Variants in ZNF579 observed in about 807,000 individuals in gnomAD.
The protein encoded by ZNF579 is zinc finger protein 579.
Under a neutral mutation model 5.7 loss-of-function variants are expected in ZNF579, and 3 were observed. The ratio of observed to expected loss-of-function variants is 0.53; its 90% CI spans 0.24 to 1.36. The LOEUF is 1.36. ZNF579 is among the 40% of genes most tolerant of loss of function. The pLI is 0.16. For missense variants in ZNF579, 679 were observed against 877.6 expected, an observed-to-expected ratio of 0.77 and a Z score of 2.86; for synonymous variants, 454 against 409.0, an observed-to-expected ratio of 1.11 and a Z score of -1.33.
chr19:55,579,809 G>A (rs1467069522), intron 1 of ZNF579, 168 bp from the exon 2 acceptor site: 2 of 677,718 alleles, frequency 3.0e-6, no homozygotes, highest in African/African-American at 1.9e-5. Flanking sequence ...GACACCGAGG[G>A]GAGGCCAGAG....
In ZNF579 at chr19:55,578,500, C is replaced by A; in HGVS notation, c.1140G>T (p.Gly380=). ...ACTCTGGGCACCAGAAGCGGGGCTCCCCGGCGGGGGGCCGAGCCGGGGCGG... is the reference window on the plus strand; with the variant it reads ...ACTCTGGGCACCAGAAGCGGGGCTCACCGGCGGGGGGCCGAGCCGGGGCGG... ...GDAAPARPPA[G]EPRFWCPECG... Residue 380 remains glycine, a synonymous_variant, in exon 2 of 2, where the codon GGG becomes GGT. Coordinates refer to ENST00000325421, the MANE Select transcript of ZNF579 (RefSeq NM_152600.3). 1 of 1,419,608 alleles carries A rather than the reference C, an allele frequency of 7.0e-7. No homozygotes were observed. Among genetic ancestry groups the A allele is most frequent in the Non-Finnish European group, 9.1e-7 (1 of 1,097,582 alleles). 87.9% of individuals were successfully genotyped at this position (1,419,608 alleles called of 1,614,324 possible).
Position 55,578,089 on chromosome 19 carries a change from T to C in ZNF579, c.1551A>G (p.Pro517=). ...IKEEPPSPGT[P]PQSPPAPPVF... ...CAGGGGGAGCCGGCGGGGACTGGGG[T>C]GGGGTCCCCGGAGAGGGCGGCTCTT... The change falls in exon 2 of 2, where the codon CCA becomes CCG. Residue 517 remains proline (P), a synonymous_variant. Coordinates refer to ENST00000325421, the MANE Select transcript of ZNF579 (RefSeq NM_152600.3). 1 of 1,568,958 alleles carries C rather than the reference T, an allele frequency of 6.4e-7. No homozygotes were observed. The highest frequency in any genetic ancestry group is 1.2e-5 in the South Asian group (1 of 85,622).
rs1979490874 is a variant in ZNF579, at chr19:55,578,625, C to G, written c.1015G>C (p.Ala339Pro). The G allele has an allele frequency of 6.6e-7, 1 of 1,526,216 alleles. No individual in the cohort carries two copies. The highest frequency in any genetic ancestry group is 2.0e-5 in the Admixed American group (1 of 49,118). 94.5% of individuals were successfully genotyped at this position (1,526,216 alleles called of 1,614,324 possible). A position where few individuals can be genotyped will look rare whatever the true frequency, so the allele number is the denominator to read the frequency against. ...TTGGCTGAGTTCCGTGCACCCGAGGCCTTGTCGTCCTTCTTGCCCGCCGCG... is the reference window on the plus strand; with the variant it reads ...TTGGCTGAGTTCCGTGCACCCGAGGGCTTGTCGTCCTTCTTGCCCGCCGCG... ...LPAAGKKDDK[A>P]SGARNSAKGP... Residue 339 changes from alanine to proline, a missense_variant, in exon 2 of 2, where the codon GCC becomes CCC. By Grantham distance (27) the Ala-to-Pro change is conservative. Transcript: ENST00000325421.
At position 55,578,643 on chromosome 19, in the gene ZNF579, C is replaced by T. The variant is rs1979492211; in HGVS notation, c.997G>A (p.Gly333Ser). The change falls in exon 2 of 2, where the codon GGC becomes AGC. Residue 333 changes from glycine to serine, a missense_variant. This residue lies in a region of ZNF579 where 114 missense variants were observed against 98.9 expected (regional missense o/e 1.15). Transcript: ENST00000325421. The stretch of plus-strand genomic sequence containing the variant: ...CCCGAGGCCTTGTCGTCCTTCTTGC[C>T]CGCCGCGGGCAGCGGGGCCAGCAGG... Reference protein sequence around the residue: ...LSLLAPLPAAGKKDDKASGAR... With the variant: ...LSLLAPLPAASKKDDKASGAR... 1 of 1,527,052 alleles carries T rather than the reference C, an allele frequency of 6.5e-7. No homozygotes were observed. Among genetic ancestry groups the T allele is most frequent in the African/African-American group, 1.4e-5 (1 of 69,990 alleles). 94.6% of individuals were successfully genotyped at this position (1,527,052 alleles called of 1,614,324 possible).
Position 55,579,452 on chromosome 19 carries a change from C to G in ZNF579, c.188G>C (p.Arg63Pro), listed in dbSNP as rs1223515863. The change falls in exon 2 of 2, where the codon CGG (arginine) becomes CCG (proline). Residue 63 changes from arginine to proline, a missense_variant. By Grantham distance (103) the Arg-to-Pro change is moderately radical. Transcript: ENST00000325421. ...FRFPYYLSRH[R>P]LSHSGLRPHA... ...GGGCCGGAGCCCCGAGTGGCTCAGCCGGTGCCGGGAGAGGTAGTAGGGGAA... is the reference window on the plus strand; with the variant it reads ...GGGCCGGAGCCCCGAGTGGCTCAGCGGGTGCCGGGAGAGGTAGTAGGGGAA... 1 of 1,338,252 alleles carries G rather than the reference C, an allele frequency of 7.5e-7. No individual in the cohort carries two copies. The highest frequency in any genetic ancestry group is 1.6e-5 in the African/African-American group (1 of 64,150). The allele number at this position is 1,338,252 out of a possible 1,614,324, so 82.9% of individuals were successfully genotyped here.
rs1343352123 is a variant in ZNF579, at chr19:55,577,421, C to G, written c.*530G>C. ...GAGGGCCACATATTTTCTGATGCAT[C>G]TGTGTCCTTCCTGCTCTGAACCCAA... On this transcript the variant is annotated 3_prime_UTR_variant, in exon 2 of 2. Transcript: ENST00000325421. 1.2e-5 allele frequency: 2 copies of G among 160,674 alleles called. No homozygotes were observed. The highest frequency in any genetic ancestry group is 2.8e-5 in the Non-Finnish European group (2 of 72,186). 10.0% of individuals were successfully genotyped at this position (160,674 alleles called of 1,614,324 possible).
In ZNF579 at chr19:55,578,292, AGCGGCGCGG is replaced by A; in HGVS notation, c.1339_1347del (p.Pro447_Arg449del). ...CGCAGGAGGCTGTAGGCGCGCGAGA[AGCGGCGCGG>A]GCAGCGGGGGCACGGGTGCGGGGCT... is the stretch of plus-strand genomic sequence containing the variant. On this transcript the variant is annotated inframe_deletion, in exon 2 of 2. Coordinates refer to ENST00000325421, the MANE Select transcript of ZNF579 (RefSeq NM_152600.3). The A allele has an allele frequency of 7.7e-7, 1 of 1,294,682 alleles. No individual in the cohort carries two copies. The highest frequency in any genetic ancestry group is 9.8e-7 in the Non-Finnish European group (1 of 1,025,254). 80.2% of individuals were successfully genotyped at this position (1,294,682 alleles called of 1,614,324 possible). A position where few individuals can be genotyped will look rare whatever the true frequency, so the allele number is the denominator to read the frequency against.
chr19:55,579,582 G>A lies in ZNF579; in HGVS notation c.58C>T (p.Arg20Trp), dbSNP rs1599971395. ...CGACCACGGCCTCGGCCACGGCCCC[G>A]GCCTCGGCCACGGTGAGGTGGGCTG... ...QGSPPHRGRG[R>W]GRGRGRGRGR... The change falls in exon 2 of 2, where the codon CGG becomes TGG. Residue 20 changes from arginine to tryptophan, a missense_variant. Physicochemically the swap from Arg to Trp is moderately radical, Grantham distance 101. This residue lies in a region of ZNF579 where 134 missense variants were observed against 208.9 expected (regional missense o/e 0.64). Coordinates refer to ENST00000325421, the MANE Select transcript of ZNF579 (RefSeq NM_152600.3). The A allele has an allele frequency of 2.0e-6, 3 of 1,494,152 alleles. No individual in the cohort carries two copies. Among genetic ancestry groups the A allele is most frequent in the East Asian group, 2.8e-5 (1 of 35,242 alleles). 92.6% of individuals were successfully genotyped at this position (1,494,152 alleles called of 1,614,324 possible).
In ZNF579 at chr19:55,578,245, T is replaced by C; in HGVS notation, c.1395A>G (p.Ala465=). The change falls in exon 2 of 2, where the codon GCA becomes GCG. Residue 465 remains alanine (A), a synonymous_variant. Coordinates refer to ENST00000325421, the MANE Select transcript of ZNF579 (RefSeq NM_152600.3). ...GCAGCGCGGCGGCCCTCTCCAGCTC[T>C]GCGCGGTGGCAGCGCTGGTGGCGCA... The part of the protein sequence containing the change: ...SLLRHQRCHR[A]ELERAAALQA... The C allele has an allele frequency of 1.4e-6, 2 of 1,399,462 alleles. No homozygotes were observed. Among genetic ancestry groups the C allele is most frequent in the Non-Finnish European group, 1.8e-6 (2 of 1,085,862 alleles). 86.7% of individuals were successfully genotyped at this position (1,399,462 alleles called of 1,614,324 possible).
Position 55,578,978 on chromosome 19 carries a change from T to C in ZNF579, c.662A>G (p.Gln221Arg), listed in dbSNP as rs968629699. ...CGTCCAGTCTGCCTGGAGCAGGACC[T>C]GTTTCTCCTCCTGCCGCCCGGCCGC... ...ALAAGRQEEK[Q>R]VLLQADWTLL... Residue 221 changes from glutamine (Q) to arginine (R), a missense_variant, in exon 2 of 2, where the codon CAG becomes CGG. Around this residue, in one of 6 missense-constraint regions of ZNF579, gnomAD observed 209 missense variants for 223.4 expected, o/e 0.94. Coordinates refer to ENST00000325421, the MANE Select transcript of ZNF579 (RefSeq NM_152600.3). 4 of 1,540,246 alleles carry C rather than the reference T, an allele frequency of 2.6e-6. No individual in the cohort carries two copies. The highest frequency in any genetic ancestry group is 1.7e-4 in the Middle Eastern group (1 of 5,944).
chr19:55,579,850 CAG>C (rs1979589703), intron 1 of ZNF579: 2 of 457,734 alleles, frequency 4.4e-6, no homozygotes. Context: ...AGATCAGAGA[CAG>C]AGCGACAGAG....
At position 55,577,923 on chromosome 19, in the gene ZNF579, G is replaced by A. The variant is rs1979434660; in HGVS notation, c.*28C>T. 1 of 1,561,770 alleles carries A rather than the reference G, an allele frequency of 6.4e-7. No individual in the cohort carries two copies. The highest frequency in any genetic ancestry group is 1.2e-5 in the South Asian group (1 of 85,132). On this transcript the variant is annotated 3_prime_UTR_variant, in exon 2 of 2. Transcript: ENST00000325421. ...ATTCTGCAAACCGGGGAGCTCAGGC[G>A]GAGCGGCGGAGGGCAGGGCGGCGAA...
chr19:55,577,890 C>T lies in ZNF579; in HGVS notation c.*61G>A. ...CAGAGGAGGTGGCTCCTTCAACTTC[C>T]CTCCTCCATTCTGCAAACCGGGGAG... On this transcript the variant is annotated 3_prime_UTR_variant, in exon 2 of 2. Coordinates refer to ENST00000325421, the MANE Select transcript of ZNF579 (RefSeq NM_152600.3). 2 of 1,540,322 alleles carry T rather than the reference C, an allele frequency of 1.3e-6. No individual in the cohort carries two copies. The highest frequency in any genetic ancestry group is 2.4e-5 in the East Asian group (1 of 41,070).
chr19:55,579,110 C>G lies in ZNF579; in HGVS notation c.530G>C (p.Gly177Ala). 1 of 1,527,102 alleles carries G rather than the reference C, an allele frequency of 6.5e-7. No homozygotes were observed. Among genetic ancestry groups the G allele is most frequent in the South Asian group, 1.2e-5 (1 of 83,430 alleles). The allele number at this position is 1,527,102 out of a possible 1,614,324, so 94.6% of individuals were successfully genotyped here. ...VAAWPETWPAGEPSTLAAPTS... is the reference protein window; with the variant it reads ...VAAWPETWPAAEPSTLAAPTS... ...GGGCGCAGCCAGCGTGGAAGGCTCC[C>G]CCGCAGGCCACGTCTCAGGCCACGC... The change falls in exon 2 of 2, where the codon GGG (glycine) becomes GCG (alanine). Residue 177 changes from glycine to alanine, a missense_variant. Physicochemically the swap from Gly to Ala is moderately conservative, Grantham distance 60 (BLOSUM62 0). Transcript: ENST00000325421.
Position 55,579,115 on chromosome 19 carries a change from A to T in ZNF579, c.525T>A (p.Pro175=), listed in dbSNP as rs1351863609. The T allele has an allele frequency of 6.6e-7, 1 of 1,526,596 alleles. No homozygotes were observed. The highest frequency in any genetic ancestry group is 8.7e-7 in the Non-Finnish European group (1 of 1,142,900). The allele number at this position is 1,526,596 out of a possible 1,614,324, so 94.6% of individuals were successfully genotyped here. ...EAVAAWPETW[P]AGEPSTLAAP... Reference sequence around the variant, plus strand: ...CAGCCAGCGTGGAAGGCTCCCCCGCAGGCCACGTCTCAGGCCACGCTGCGA... The same window carrying T: ...CAGCCAGCGTGGAAGGCTCCCCCGCTGGCCACGTCTCAGGCCACGCTGCGA... Residue 175 remains proline, a synonymous_variant, in exon 2 of 2, where the codon CCT becomes CCA. Transcript: ENST00000325421.
intron 1 of ZNF579, 39 bp downstream of exon 1, chr19:55,580,756 C>CCTGGGGCTTGGTCCTGGTCG (rs1396000597): frequency 4.6e-5 from 7 of 152,576 alleles, no homozygotes; most frequent in African/African-American, 1.7e-4. Flanking sequence ...CAGCCCTGGG[C>CCTGGGGCTTGGTCCTGGTCG]CTGGGGCTTG....
rs1979506972 is a variant in ZNF579 at position 55,578,855 on chromosome 19, C to T, written c.785G>A (p.Gly262Glu). The change falls in exon 2 of 2, where the codon GGG becomes GAG. Residue 262 changes from glycine (G) to glutamate (E), a missense_variant. Gly to Glu is a moderately conservative substitution (Grantham distance 98, BLOSUM62 -2). Transcript: ENST00000325421. Reference sequence around the variant, plus strand: ...GTGTCGCTTGGGGCGTGGCGGGGGCCCCCCTTCCCCTTCCTGTTCGCCCTC... The same window carrying T: ...GTGTCGCTTGGGGCGTGGCGGGGGCTCCCCTTCCCCTTCCTGTTCGCCCTC... ...RPEGEQEGEG[G>E]PPPRPKRHQC... 6.3e-7 allele frequency: 1 copy of T among 1,598,276 alleles called. No individual in the cohort carries two copies. Among genetic ancestry groups the T allele is most frequent in the African/African-American group, 1.3e-5 (1 of 74,274 alleles).
Position 55,577,965 on chromosome 19 carries a change from C to A in ZNF579, c.1675G>T (p.Gly559Cys), listed in dbSNP as rs774821805. 1 of 1,593,162 alleles carries A rather than the reference C, an allele frequency of 6.3e-7. No homozygotes were observed. Among genetic ancestry groups the A allele is most frequent in the African/African-American group, 1.3e-5 (1 of 74,566 alleles). The change falls in exon 2 of 2, where the codon GGC becomes TGC. Residue 559 changes from glycine (G) to cysteine (C), a missense_variant. Gly to Cys is a radical substitution (Grantham distance 159). This residue lies in a region of ZNF579 where 116 missense variants were observed against 121.9 expected (regional missense o/e 0.95). Transcript: ENST00000325421. Reference sequence around the variant, plus strand: ...GGCGGCGAAGGTCAGGAGGCCAGGCCCCCCAGCCCGCGCAGGTGAGCCTTG... The same window carrying A: ...GGCGGCGAAGGTCAGGAGGCCAGGCACCCCAGCCCGCGCAGGTGAGCCTTG... ...DSKAHLRGLG[G>C]LAS
chr19:55,577,783 G>T lies in ZNF579; in HGVS notation c.*168C>A. On this transcript the variant is annotated 3_prime_UTR_variant, in exon 2 of 2. Coordinates refer to ENST00000325421, the MANE Select transcript of ZNF579 (RefSeq NM_152600.3). The stretch of plus-strand genomic sequence containing the variant: ...TCCTAACCAGCATCAGGGGTTCTGG[G>T]GGCGGGCGATGGGGGAGGAAGGGGC... 1 of 1,282,886 alleles carries T rather than the reference G, an allele frequency of 7.8e-7. No homozygotes were observed. Among genetic ancestry groups the T allele is most frequent in the Non-Finnish European group, 1.0e-6 (1 of 958,568 alleles). 79.5% of individuals were successfully genotyped at this position (1,282,886 alleles called of 1,614,324 possible).
Sources: allele counts gnomAD v4.1 joint callset, GRCh38; gene constraint gnomAD v4.1.1; regional missense constraint gnomAD v4.1.1; transcripts MANE v1.5; gene names NCBI Gene and HGNC (gene_info 2026-07-23, HGNC 2026-07-21).